Variants in TNFRSF10D observed in about 807,000 individuals in gnomAD.
The protein encoded by TNFRSF10D is TNF receptor superfamily member 10d.
A neutral mutation model predicts 42.1 loss-of-function variants in TNFRSF10D; 28 were observed. The ratio of observed to expected loss-of-function variants is 0.66; its 90% confidence interval spans 0.49 to 0.91. The LOEUF is 0.91. Ranked by LOEUF, TNFRSF10D falls within the 40% of genes least tolerant of loss-of-function variation. The pLI, the probability that TNFRSF10D is intolerant of heterozygous loss-of-function variation, is 0.00. For synonymous variants in TNFRSF10D, 186 were observed against 189.4 expected, an observed-to-expected ratio of 0.98 and a Z score of 0.15; for missense variants, 503 against 486.1, an observed-to-expected ratio of 1.03 and a Z score of -0.33.
intron 2 of TNFRSF10D, among the ~76,000 whole-genome samples, chr8:23,153,222 A>G (rs926187788): frequency 3.3e-5 from 5 of 152,190 alleles, no homozygotes; most frequent in African/African-American, 1.2e-4. Context: ...AAATCAACTC[A>G]ACATGGACTA....
intron 2 of TNFRSF10D, among the ~76,000 whole-genome samples, chr8:23,151,575 AT>A (rs1362954153): frequency 1.3e-5 from 2 of 152,220 alleles, no homozygotes; most frequent in South Asian, 2.1e-4. Flanking sequence ...AGCCCAATGT[AT>A]TTTTTTAAAT....
chr8:23,142,615 G>A lies in TNFRSF10D; in HGVS notation c.954+1835C>T, dbSNP rs1400628643. The stretch of plus-strand genomic sequence containing the variant: ...CTACCAGGGCGGGGAGGGAGCGAGA[G>A]GAGGAAGGGGTGAAAAACTAACTGT... On this transcript the variant is annotated intron_variant, in intron 7 of 8. Coordinates refer to ENST00000312584, the MANE Select transcript of TNFRSF10D (RefSeq NM_003840.5). 2.6e-5 allele frequency among the ~76,000 whole-genome samples: 4 copies of A among 152,134 alleles called. No homozygotes were observed. The East Asian group carries it at 7.7e-4, about 29-fold the overall frequency.
At chr8:23,138,753 G>A (rs1302914603) in intron 7 of TNFRSF10D, among the ~76,000 whole-genome samples, 1 of 150,232 alleles carries the variant, frequency 6.7e-6, no homozygotes, top group African/African-American at 2.5e-5. Flanking sequence ...TAAATAAAAT[G>A]GCAGTCTCTA....
chr8:23,156,490 G>C (rs1438564935), intron 1 of TNFRSF10D, among the ~76,000 whole-genome samples: 2 of 151,844 alleles, frequency 1.3e-5, no homozygotes, highest in Non-Finnish European at 2.9e-5. Flanking sequence ...TTCAGGCGAT[G>C]TCTCTGTCAC....
chr8:23,144,765 T>C (rs1800090154), intron 6 of TNFRSF10D, 130 bp from the exon 7 acceptor site: 5 of 1,164,386 alleles, frequency 4.3e-6, no homozygotes, highest in Admixed American at 2.5e-5. Flanking sequence ...GCTCAGCACA[T>C]CCAGGACCCC....
intron 2 of TNFRSF10D, among the ~76,000 whole-genome samples, chr8:23,150,552 C>A (rs535012265): frequency 3.3e-5 from 5 of 152,116 alleles, no homozygotes; most frequent in Non-Finnish European, 7.4e-5. Context: ...AGTAACCAAC[C>A]CGAAAGGAAT....
intron 1 of TNFRSF10D, among the ~76,000 whole-genome samples, chr8:23,155,374 G>A (rs868402880): frequency 1.3e-5 from 2 of 151,732 alleles, no homozygotes; most frequent in African/African-American, 4.8e-5. Context: ...AGTCTCCCAA[G>A]CAAGTTGGGT....
Position 23,136,621 on chromosome 8 carries a change from C to G in TNFRSF10D, c.*1249G>C, listed in dbSNP as rs12679849. 0.18 allele frequency: 27,779 copies of G among 152,718 alleles called. 3,008 individuals carry two copies. Among genetic ancestry groups the G allele is most frequent in the East Asian group, 0.41 (2,103 of 5,174 alleles). The allele number at this position is 152,718 out of a possible 1,614,324, so 9.5% of individuals were successfully genotyped here. On this transcript the variant is annotated 3_prime_UTR_variant, in exon 9 of 9. Transcript: ENST00000312584. ...ACTGTAATGGCGCTTGAAAGAGAAG[C>G]TCTTCGCAGTCTCGGATCTAACTTA...
chr8:23,141,504 C>CAAAAA (rs59373667), intron 7 of TNFRSF10D, among the ~76,000 whole-genome samples: 1 of 133,380 alleles, frequency 7.5e-6, no homozygotes. Flanking sequence ...GAGTACATCT[C>CAAAAA]AAAAAAAAAA....
At chr8:23,152,916 T>C (rs141965687) in intron 2 of TNFRSF10D, among the ~76,000 whole-genome samples, 899 of 152,132 alleles carry the variant, frequency 5.9e-3, no homozygotes, top group African/African-American at 0.018. Context: ...GCCAAAGTGA[T>C]CTTAAGCAAA....
Position 23,145,923 on chromosome 8 carries a change from T to C in TNFRSF10D, c.483-2A>G, listed in dbSNP as rs1230022225. 1.9e-6 allele frequency: 3 copies of C among 1,613,916 alleles called. No homozygotes were observed. In the Admixed American group the frequency reaches 5.0e-5, roughly 27 times the overall value. ...ACCTTGACCATCCCTCTGGGACACC[T>C]GGGTACACACAGAGAGGGAGACAGG... On this transcript the variant is annotated splice_acceptor_variant, in intron 4 of 8. Coordinates refer to ENST00000312584, the MANE Select transcript of TNFRSF10D (RefSeq NM_003840.5). LOFTEE classifies it high-confidence loss of function.
intron 1 of TNFRSF10D, among the ~76,000 whole-genome samples, chr8:23,159,533 A>T (rs369280915): frequency 5.9e-5 from 9 of 152,078 alleles, no homozygotes; most frequent in African/African-American, 2.2e-4. Context: ...ACTGACTCTC[A>T]CTGCTTCTCT....
chr8:23,149,023 T>C (rs1800172058), intron 2 of TNFRSF10D, among the ~76,000 whole-genome samples: 1 of 151,264 alleles, frequency 6.6e-6, no homozygotes, highest in South Asian at 2.1e-4. Context: ...ACCCCATCTC[T>C]ACTAAAAATA....
At chr8:23,158,785 G>A (rs921611094) in intron 1 of TNFRSF10D, among the ~76,000 whole-genome samples, 1 of 152,076 alleles carries the variant, frequency 6.6e-6, no homozygotes, top group African/African-American at 2.4e-5. Context: ...TCTATTGAAG[G>A]TTTTTTTAAA....
intron 1 of TNFRSF10D, among the ~76,000 whole-genome samples, chr8:23,155,592 A>G (rs1344366055): frequency 6.6e-6 from 1 of 151,712 alleles, no homozygotes; most frequent in Non-Finnish European, 1.5e-5. Flanking sequence ...GGTGGCGGGC[A>G]CCTGTAACCC....
In TNFRSF10D at chr8:23,137,918, C is replaced by G. The variant is rs768082469; in HGVS notation, c.1113G>C (p.Lys371Asn). Reference sequence around the variant, plus strand: ...CTGCCTCATCTTCTTCATAAAAGAGCTTTTCGGAGCCCACCAGTTGGTCCT... The same window carrying G: ...CTGCCTCATCTTCTTCATAAAAGAGGTTTTCGGAGCCCACCAGTTGGTCCT... ...TIQDQLVGSE[K>N]LFYEEDEAGS... The change falls in exon 9 of 9, where the codon AAG (lysine) becomes AAC (asparagine). Residue 371 changes from lysine (K) to asparagine (N), a missense_variant. Physicochemically the swap from Lys to Asn is moderately conservative, Grantham distance 94 (BLOSUM62 0). Transcript: ENST00000312584. 2.5e-6 allele frequency: 4 copies of G among 1,614,110 alleles called. No homozygotes were observed. In the African/African-American group the frequency reaches 5.3e-5, roughly 22 times the overall value.
intron 1 of TNFRSF10D, among the ~76,000 whole-genome samples, chr8:23,156,992 T>C (rs1800289878): frequency 6.6e-6 from 1 of 152,210 alleles, no homozygotes; most frequent in African/African-American, 2.4e-5. Context: ...GCCATAAATT[T>C]CACATATTTT....
intron 1 of TNFRSF10D, among the ~76,000 whole-genome samples, chr8:23,159,795 G>A (rs375714052): frequency 4.6e-5 from 7 of 152,104 alleles, no homozygotes; most frequent in African/African-American, 2.4e-5. Flanking sequence ...TCTGGGAGGC[G>A]GAGGTTGCAG....
At chr8:23,162,993 C>G (rs1478463449) in intron 1 of TNFRSF10D, among the ~76,000 whole-genome samples, 1 of 151,892 alleles carries the variant, frequency 6.6e-6, no homozygotes, top group African/African-American at 2.4e-5. Flanking sequence ...GCAATCTCGG[C>G]TCACTGCAAC....
Sources: gnomAD v4.1 joint callset for allele counts (sites outside exome capture counted in the v4.1 genomes callset) on GRCh38, gnomAD v4.1.1 for gene constraint, MANE v1.5 for transcripts, NCBI Gene and HGNC (gene_info 2026-07-23, HGNC 2026-07-21) for gene names.